Variants in EWSR1 observed in about 807,000 individuals in gnomAD.
The protein encoded by EWSR1 is EWS RNA binding protein 1.
EWSR1 carries 14 observed loss-of-function variants against 92.1 expected under a neutral mutation model. That is an observed-to-expected ratio of 0.15 (90% CI 0.10 to 0.24). The LOEUF (loss-of-function observed/expected upper bound fraction) is 0.24, where lower values mean the gene tolerates loss of function less well. Among genes scored for constraint, EWSR1 ranks in the 10% least tolerant of loss-of-function variants. The probability of loss-of-function intolerance (pLI) is 1.00; values close to 1 mark genes in which losing one functional copy is unlikely to be tolerated. For missense variants in EWSR1, 637 were observed against 870.9 expected (o/e 0.73, Z 3.38); for synonymous variants, 303 against 292.9 (o/e 1.03, Z -0.35).
Position 29,297,914 on chromosome 22 carries a change from G to T in EWSR1, c.1382G>T (p.Arg461Leu), listed in dbSNP as rs764710364. 6.2e-7 allele frequency: 1 copy of T among 1,613,870 alleles called. No individual in the cohort carries two copies. The highest frequency in any genetic ancestry group is 1.7e-5 in the Admixed American group (1 of 59,996). Residue 461 changes from arginine (R) to leucine (L), a missense_variant, in exon 13 of 17, where the codon CGT (arginine) becomes CTT (leucine). Physicochemically the swap from Arg to Leu is moderately radical, Grantham distance 102 (BLOSUM62 -2). Coordinates refer to ENST00000397938, the MANE Select transcript of EWSR1 (RefSeq NM_005243.4). Reference protein sequence around the residue: ...MNSMRGGLPPREGRGMPPPLR... With the variant: ...MNSMRGGLPPLEGRGMPPPLR... ...AGTATGCGGGGTGGTCTGCCACCCC[G>T]TGAGGGCAGAGGCATGCCACCACCA... is the stretch of plus-strand genomic sequence containing the variant.
At chr22:29,268,530 C>T (rs566631691) in intron 1 of EWSR1, among the ~76,000 whole-genome samples, 181 bp downstream of exon 1, 1 of 152,180 alleles carries the variant, frequency 6.6e-6, no homozygotes, top group East Asian at 1.9e-4. Context: ...CCGGGCGGGC[C>T]GGTTCTGGAA....
At chr22:29,297,999 C>T (rs747486736) in intron 13 of EWSR1, 50 bp downstream of exon 13, 1 of 1,561,088 alleles carries the variant, frequency 6.4e-7, no homozygotes, top group Admixed American at 2.0e-5. Flanking sequence ...CAGTACACTT[C>T]ATACCCTTGA....
intron 11 of EWSR1, among the ~76,000 whole-genome samples, chr22:29,294,780 GAC>G (rs1004701140): frequency 2.6e-5 from 4 of 151,664 alleles, no homozygotes; most frequent in African/African-American, 9.7e-5. Context: ...CGGGTGTGGT[GAC>G]ACGCGCCTGT....
chr22:29,288,673 A>T lies in EWSR1; in HGVS notation c.861A>T (p.Gly287=). The T allele has an allele frequency of 6.2e-7, 1 of 1,613,920 alleles. No individual in the cohort carries two copies. Among genetic ancestry groups the T allele is most frequent in the Non-Finnish European group, 8.5e-7 (1 of 1,179,862 alleles). ...VYGQESGGFS[G]PGENRSMSGP... ...GGCAGGAGTCTGGAGGATTTTCCGG[A>T]CCAGGAGAGAACCGGAGCATGAGTG... is the stretch of plus-strand genomic sequence containing the variant. The change falls in exon 8 of 17, where the codon GGA becomes GGT. Residue 287 remains glycine (G), a synonymous_variant. Transcript: ENST00000397938.
chr22:29,279,007 AAG>A (rs2059347431), intron 5 of EWSR1, among the ~76,000 whole-genome samples: 1 of 152,016 alleles, frequency 6.6e-6, no homozygotes, highest in African/African-American at 2.4e-5. Context: ...AAAAAAAAAA[AAG>A]TGAAATGGTG....
chr22:29,299,591 CACCTT>C lies in EWSR1; in HGVS notation c.1679-6_1679-2del. The C allele has an allele frequency of 6.3e-7, 1 of 1,586,050 alleles. No homozygotes were observed. The highest frequency in any genetic ancestry group is 8.6e-7 in the Non-Finnish European group (1 of 1,163,206). On this transcript the variant is annotated splice_polypyrimidine_tract_variant and splice_region_variant and intron_variant, in intron 15 of 16. Transcript: ENST00000397938. ...CTGACTGCTTTCGCCCTGCTATTCT[CACCTT>C]AGGTGGTGATCGTGGCAGAGGTGGC...
At chr22:29,292,382 G>A (rs1327425075) in intron 10 of EWSR1, 106 bp from the exon 11 acceptor site, 4 of 964,960 alleles carry the variant, frequency 4.1e-6, no homozygotes, top group Non-Finnish European at 6.5e-6. Context: ...ATGCTTGGTA[G>A]TTTTCTTAGA....
intron 11 of EWSR1, among the ~76,000 whole-genome samples, chr22:29,294,436 C>G (rs1376024304): frequency 7.0e-6 from 1 of 142,036 alleles, no homozygotes; most frequent in East Asian, 2.2e-4. Flanking sequence ...GAAACCCCGT[C>G]TCTACTATAA....
intron 5 of EWSR1, 113 bp from the exon 6 acceptor site, chr22:29,282,277 A>G (rs1055936962): frequency 3.8e-6 from 3 of 787,656 alleles, no homozygotes; most frequent in Admixed American, 3.6e-5. Context: ...AGGCTTAATC[A>G]TAACATTGCT....
intron 1 of EWSR1, among the ~76,000 whole-genome samples, chr22:29,268,748 G>GGCT (rs2058365579): frequency 1.3e-5 from 2 of 152,248 alleles, no homozygotes; most frequent in African/African-American, 2.4e-5. Flanking sequence ...GGGGCCCGCA[G>GGCT]GCTGCTGTCC....
At position 29,268,289 on chromosome 22, in the gene EWSR1, A is replaced by C. The variant is rs758975710; in HGVS notation, c.-48A>C. Reference sequence around the variant, plus strand: ...CTGCGCAGTGCGGCGCCTAGAGGGAAAGCGAGAGGGAGACGGACGTTGAGA... The same window carrying C: ...CTGCGCAGTGCGGCGCCTAGAGGGACAGCGAGAGGGAGACGGACGTTGAGA... On this transcript the variant is annotated 5_prime_UTR_variant, in exon 1 of 17. Transcript: ENST00000397938. 7 of 1,607,954 alleles carry C rather than the reference A, an allele frequency of 4.4e-6. No homozygotes were observed. The East Asian group carries it at 1.1e-4, about 26-fold the overall frequency.
intron 7 of EWSR1, 60 bp from the exon 8 acceptor site, chr22:29,288,546 G>A: frequency 6.7e-7 from 1 of 1,483,716 alleles, no homozygotes; most frequent in Non-Finnish European, 9.1e-7. Flanking sequence ...CCAGGAGAAA[G>A]TACATCAGGC....
At chr22:29,272,567 C>G (rs981606565) in intron 3 of EWSR1, 136 bp downstream of exon 3, 1 of 878,660 alleles carries the variant, frequency 1.1e-6, no homozygotes, top group Admixed American at 2.4e-5. Flanking sequence ...TTTAAACTTT[C>G]ACAGTGGGAG....
At chr22:29,273,122 C>T (rs536355552) in intron 3 of EWSR1, among the ~76,000 whole-genome samples, 35 of 152,198 alleles carry the variant, frequency 2.3e-4, no homozygotes, top group Non-Finnish European at 4.6e-4. Flanking sequence ...ACAACTCTTC[C>T]TTGCCTGATT....
chr22:29,290,122 C>T (rs2060338526), intron 8 of EWSR1: 1 of 291,288 alleles, frequency 3.4e-6, no homozygotes, highest in Admixed American at 5.0e-5. Flanking sequence ...GAGGGGGCCC[C>T]TCTTTCTGGA....
Position 29,271,327 on chromosome 22 carries a change from A to G in EWSR1, c.14-889A>G, listed in dbSNP as rs191787755. Among the ~76,000 whole-genome samples, 1,109 of 152,212 alleles carry G rather than the reference A, an allele frequency of 7.3e-3. 50 individuals are homozygous for G. The highest frequency in any genetic ancestry group is 0.068 in the Admixed American group (1,042 of 15,276). On this transcript the variant is annotated intron_variant, in intron 1 of 16. Coordinates refer to ENST00000397938, the MANE Select transcript of EWSR1 (RefSeq NM_005243.4). ...TTAATGCAGTAGCGCTCTGAAAACT[A>G]TTTTCCGTTTGTTTTTACTACTTGT...
At chr22:29,297,353 C>T (rs1291662422) in intron 12 of EWSR1, among the ~76,000 whole-genome samples, 1 of 152,168 alleles carries the variant, frequency 6.6e-6, no homozygotes, top group African/African-American at 2.4e-5. Flanking sequence ...TGGGGTTTCA[C>T]CATGTTGGTC....
intron 5 of EWSR1, among the ~76,000 whole-genome samples, chr22:29,282,055 A>T (rs1372964887): frequency 1.3e-5 from 2 of 152,186 alleles, no homozygotes; most frequent in Admixed American, 1.3e-4. Context: ...CTAACAGATC[A>T]CTTCTCCCGG....
chr22:29,280,859 G>GTGGTTT (rs2059518413), intron 5 of EWSR1, among the ~76,000 whole-genome samples: 2 of 90,978 alleles, frequency 2.2e-5, no homozygotes, highest in Admixed American at 1.5e-4. Context: ...GTGTGTGTGT[G>GTGGTTT]TTGTTTTTTT....
Sources: allele counts gnomAD v4.1 joint callset (sites outside exome capture counted in the v4.1 genomes callset), GRCh38; gene constraint gnomAD v4.1.1; transcripts MANE v1.5; gene names NCBI Gene and HGNC (gene_info 2026-07-23, HGNC 2026-07-21).